SPATA17: variants seen among roughly 807,000 people sequenced by gnomAD.
SPATA17 encodes spermatogenesis associated 17, also known as spermatogenesis-associated protein 17.
A neutral mutation model predicts 62.2 loss-of-function variants in SPATA17; 53 were observed. The ratio of observed to expected loss-of-function variants is 0.85; its 90% CI spans 0.68 to 1.07. The LOEUF (loss-of-function observed/expected upper bound fraction) is 1.07. Among genes scored for constraint, SPATA17 ranks in the 50% least tolerant of loss-of-function variants. SPATA17 has a pLI of 0.00. For synonymous variants in SPATA17, 146 were observed against 146.8 expected, an observed-to-expected ratio of 0.99 and a Z score of 0.04; for missense variants, 466 against 425.5, an observed-to-expected ratio of 1.10 and a Z score of -0.84.
At chr1:217,717,380 G>C (rs1672028423) in intron 5 of SPATA17, among the ~76,000 whole-genome samples, 1 of 152,130 alleles carries the variant, frequency 6.6e-6, no homozygotes, top group Admixed American at 6.5e-5. Flanking sequence ...AAGGCTGAAA[G>C]AGATGGATCA....
chr1:217,728,555 G>A (rs553378895), intron 5 of SPATA17, among the ~76,000 whole-genome samples: 1 of 151,976 alleles, frequency 6.6e-6, no homozygotes, highest in Non-Finnish European at 1.5e-5. Context: ...AAACTCATTT[G>A]TTTGCTTTTT....
chr1:217,858,451 T>C (rs970318998), intron 9 of SPATA17, among the ~76,000 whole-genome samples: 1 of 152,234 alleles, frequency 6.6e-6, no homozygotes, highest in African/African-American at 2.4e-5. Flanking sequence ...TGTTACAGAT[T>C]ACAAAACAGA....
intron 6 of SPATA17, among the ~76,000 whole-genome samples, chr1:217,749,060 T>G (rs754197358): frequency 6.6e-6 from 1 of 152,148 alleles, no homozygotes; most frequent in Non-Finnish European, 1.5e-5. Flanking sequence ...TACATTTGTG[T>G]GGGTATGTGT....
At chr1:217,633,763 T>G (rs1669873774) in intron 1 of SPATA17, among the ~76,000 whole-genome samples, 1 of 152,202 alleles carries the variant, frequency 6.6e-6, no homozygotes, top group Admixed American at 6.5e-5. Flanking sequence ...GTCTTCTGTT[T>G]TCGTAACAAG....
intron 3 of SPATA17, among the ~76,000 whole-genome samples, chr1:217,659,187 AACACAC>A (rs10546517): frequency 0.13 from 18,585 of 144,556 alleles, 1,206 homozygotes; most frequent in Non-Finnish European, 0.16. Flanking sequence ...TGCCCATCAA[AACACAC>A]ACACACACAC....
chr1:217,649,926 G>A (rs893102551), intron 2 of SPATA17, among the ~76,000 whole-genome samples: 1 of 147,696 alleles, frequency 6.8e-6, no homozygotes, highest in Non-Finnish European at 1.5e-5. Flanking sequence ...TGAAGACAAG[G>A]CTTCTCTCTT....
At chr1:217,669,006 A>G in intron 3 of SPATA17, 27 bp from the exon 4 acceptor site, 1 of 1,604,238 alleles carries the variant, frequency 6.2e-7, no homozygotes, top group Non-Finnish European at 8.5e-7. Context: ...ACTGAAATGC[A>G]TGCCATCTTT....
At chr1:217,861,617 C>T (rs1675898710) in intron 9 of SPATA17, among the ~76,000 whole-genome samples, 3 of 151,988 alleles carry the variant, frequency 2.0e-5, no homozygotes, top group South Asian at 2.1e-4. Flanking sequence ...TAATTTGTAA[C>T]AAAAAGAAGG....
At chr1:217,724,292 C>T (rs1053409162) in intron 5 of SPATA17, among the ~76,000 whole-genome samples, 3 of 152,108 alleles carry the variant, frequency 2.0e-5, no homozygotes, top group African/African-American at 7.2e-5. Context: ...AAAGTTTAAA[C>T]ATATCTTATA....
intron 9 of SPATA17, among the ~76,000 whole-genome samples, chr1:217,850,011 C>T (rs962598297): frequency 1.3e-5 from 2 of 152,006 alleles, no homozygotes; most frequent in African/African-American, 4.8e-5. Flanking sequence ...AATTTGGGGT[C>T]GCTGCTGTCT....
At chr1:217,699,973 C>A (rs1043988345) in intron 5 of SPATA17, among the ~76,000 whole-genome samples, 4 of 152,164 alleles carry the variant, frequency 2.6e-5, no homozygotes, top group Non-Finnish European at 4.4e-5. Context: ...AGGTAGGTAT[C>A]ATTATGTGGG....
chr1:217,862,849 G>T lies in SPATA17; in HGVS notation c.1081G>T (p.Val361Leu). The T allele has an allele frequency of 2.5e-6, 4 of 1,593,462 alleles. No individual in the cohort carries two copies. Among genetic ancestry groups the T allele is most frequent in the Non-Finnish European group, 8.6e-7 (1 of 1,166,882 alleles). Residue 361 changes from valine (V) to leucine (L), a missense_variant, in exon 10 of 11, where the codon GTA (valine) becomes TTA (leucine). Physicochemically the swap from Val to Leu is conservative, Grantham distance 32. Transcript: ENST00000366933. ...GKLYSKAGQI[V>L] Reference sequence around the variant, plus strand: ...ATTATATTCAAAAGCTGGACAGATTGTATAAAGGTATGACTTTTTGCTAAG... The same window carrying T: ...ATTATATTCAAAAGCTGGACAGATTTTATAAAGGTATGACTTTTTGCTAAG...
chr1:217,644,371 T>G (rs1289582591), intron 1 of SPATA17, among the ~76,000 whole-genome samples: 1 of 152,214 alleles, frequency 6.6e-6, no homozygotes, highest in Non-Finnish European at 1.5e-5. Flanking sequence ...CATGAAATCC[T>G]TAAGACGTAG....
At chr1:217,850,620 A>G (rs1451815626) in intron 9 of SPATA17, 4 of 1,593,708 alleles carry the variant, frequency 2.5e-6, no homozygotes, top group Non-Finnish European at 2.6e-6. Context: ...CAGGGTCTTC[A>G]CGAAGATCTG....
intron 9 of SPATA17, among the ~76,000 whole-genome samples, chr1:217,812,354 A>G (rs1674610510): frequency 1.3e-5 from 2 of 152,124 alleles, no homozygotes; most frequent in Non-Finnish European, 2.9e-5. Flanking sequence ...GAAGAGCACT[A>G]TACAAAGAAA....
chr1:217,667,157 C>T (rs893530764), intron 3 of SPATA17, among the ~76,000 whole-genome samples: 2 of 149,844 alleles, frequency 1.3e-5, no homozygotes, highest in Non-Finnish European at 3.0e-5. Flanking sequence ...AAGAGATTCT[C>T]CTGCCTCAGC....
chr1:217,817,278 G>T (rs1674742030), intron 9 of SPATA17, among the ~76,000 whole-genome samples: 1 of 152,034 alleles, frequency 6.6e-6, no homozygotes, highest in South Asian at 2.1e-4. Context: ...CAACTGTGGT[G>T]GGAGAGACCT....
chr1:217,835,413 G>T (rs1675237711), intron 9 of SPATA17, among the ~76,000 whole-genome samples: 1 of 152,020 alleles, frequency 6.6e-6, no homozygotes, highest in Non-Finnish European at 1.5e-5. Context: ...TTGCACTTTA[G>T]CCTACAAAGG....
chr1:217,782,714 A>G (rs1399501508), intron 8 of SPATA17, among the ~76,000 whole-genome samples: 1 of 152,176 alleles, frequency 6.6e-6, no homozygotes, highest in Non-Finnish European at 1.5e-5. Flanking sequence ...TATTGACATA[A>G]CATTGTAGTT....
Sources: allele counts gnomAD v4.1 joint callset (sites outside exome capture counted in the v4.1 genomes callset), GRCh38; gene constraint gnomAD v4.1.1; transcripts MANE v1.5; gene names NCBI Gene and HGNC (gene_info 2026-07-23, HGNC 2026-07-21).